The following COL12A1 variants were observed in gnomAD, a reference collection of about 807,000 sequenced individuals.
COL12A1 encodes collagen type XII alpha 1 chain, also known as collagen alpha-1(XII) chain.
A neutral mutation model predicts 349.7 loss-of-function variants in COL12A1; 114 were observed. That is an observed-to-expected ratio of 0.33 (90% CI 0.28 to 0.38). The LOEUF (loss-of-function observed/expected upper bound fraction) is 0.38. COL12A1 is among the 10% of genes least tolerant of loss of function. COL12A1 has a pLI of 1.00. For missense variants in COL12A1, 3,284 were observed against 3,756.9 expected, an observed-to-expected ratio of 0.87 and a Z score of 3.29; for synonymous variants, 1,369 against 1,329.0, an observed-to-expected ratio of 1.03 and a Z score of -0.66.
At chr6:75,100,751 T>A (rs1039375993) in intron 58 of COL12A1, among the ~76,000 whole-genome samples, 2 of 152,132 alleles carry the variant, frequency 1.3e-5, no homozygotes, top group Non-Finnish European at 2.9e-5. Flanking sequence ...GTTGATAGAT[T>A]TATGTTTAGT....
intron 5 of COL12A1, 100 bp downstream of exon 5, chr6:75,191,601 T>C: frequency 1.1e-5 from 7 of 655,684 alleles, no homozygotes; most frequent in Non-Finnish European, 1.7e-5. Flanking sequence ...TAAATTAATA[T>C]AGGAATAAGA....
intron 25 of COL12A1, among the ~76,000 whole-genome samples, chr6:75,145,044 T>C (rs769442632): frequency 2.0e-5 from 3 of 152,212 alleles, no homozygotes; most frequent in African/African-American, 4.8e-5. Flanking sequence ...TACATTCTGA[T>C]TGGCACCTAG....
Position 75,130,983 on chromosome 6 carries a change from TGCA to T in COL12A1, c.5938-5_5938-3del. 6.2e-7 allele frequency: 1 copy of T among 1,614,136 alleles called. No homozygotes were observed. The highest frequency in any genetic ancestry group is 8.5e-7 in the Non-Finnish European group (1 of 1,179,994). On this transcript the variant is annotated splice_region_variant and splice_polypyrimidine_tract_variant and intron_variant, in intron 35 of 65. Coordinates refer to ENST00000322507, the MANE Select transcript of COL12A1 (RefSeq NM_004370.6). The stretch of plus-strand genomic sequence containing the variant: ...GCGCGTGTTTCCTGGCACTACTATC[TGCA>T]GGAGAGGAAATGCCAAATTCTGCCT...
chr6:75,089,540 C>A (rs1247774921), intron 63 of COL12A1, among the ~76,000 whole-genome samples: 2 of 152,066 alleles, frequency 1.3e-5, no homozygotes, highest in African/African-American at 2.4e-5. Context: ...GCAGCCAAAC[C>A]AGTAGAATTA....
At chr6:75,087,487 A>C in intron 65 of COL12A1, 90 bp downstream of exon 65, 1 of 1,330,598 alleles carries the variant, frequency 7.5e-7, no homozygotes, top group African/African-American at 1.5e-5. Context: ...GACATCTTCA[A>C]ATCAGCCTTC....
chr6:75,175,665 G>T (rs182443117), intron 12 of COL12A1, among the ~76,000 whole-genome samples: 10 of 152,324 alleles, frequency 6.6e-5, no homozygotes, highest in Admixed American at 6.5e-4. Context: ...GTATTACAAT[G>T]CAGATTTTAA....
In COL12A1 at chr6:75,113,249, A is replaced by T. The variant is rs375456934; in HGVS notation, c.7905T>A (p.Phe2635Leu). ...ATAATGTCTTTACTTCTTCTGTGTC[A>T]AATGTAACAGTTTGCACCTCGCCTC... The part of the protein sequence containing the change: ...DTRGEVQTVT[F>L]DTEEVKTLFY... Residue 2635 changes from phenylalanine to leucine, a missense_variant, in exon 51 of 66, where the codon TTT becomes TTA. Transcript: ENST00000322507. 7 of 1,565,924 alleles carry T rather than the reference A, an allele frequency of 4.5e-6. No individual in the cohort carries two copies. Among genetic ancestry groups the T allele is most frequent in the Middle Eastern group, 1.7e-4 (1 of 5,956 alleles).
At chr6:75,102,520 G>A in intron 56 of COL12A1, 77 bp downstream of exon 56, 3 of 1,168,768 alleles carry the variant, frequency 2.6e-6, no homozygotes, top group African/African-American at 3.2e-5. Context: ...ATTTGATTTG[G>A]CAAAATGTAG....
rs576407538 is a variant in COL12A1 at position 75,181,324 on chromosome 6, C to A, written c.1892-113G>T. 35 of 1,014,766 alleles carry A rather than the reference C, an allele frequency of 3.4e-5. No individual in the cohort carries two copies. The African/African-American group carries it at 5.0e-4, about 15-fold the overall frequency. The allele number at this position is 1,014,766 out of a possible 1,614,324, so 62.9% of individuals were successfully genotyped here. The stretch of plus-strand genomic sequence containing the variant: ...TACATTAATTTGGGAGAATGGTGCT[C>A]ATTGAGACTACTGTACTGGGTATCT... On this transcript the variant is annotated intron_variant, in intron 10 of 65. Coordinates refer to ENST00000322507, the MANE Select transcript of COL12A1 (RefSeq NM_004370.6).
At chr6:75,192,545 C>T (rs552020249) in intron 3 of COL12A1, among the ~76,000 whole-genome samples, 190 bp from the exon 4 acceptor site, 162 of 151,986 alleles carry the variant, frequency 1.1e-3, no homozygotes, top group Non-Finnish European at 2.2e-3. Context: ...AATAAATGGA[C>T]TGGTATTGCT....
chr6:75,183,173 G>A lies in COL12A1; in HGVS notation c.1768C>T (p.Pro590Ser). 2 of 1,614,154 alleles carry A rather than the reference G, an allele frequency of 1.2e-6. No homozygotes were observed. Among genetic ancestry groups the A allele is most frequent in the East Asian group, 2.2e-5 (1 of 44,876 alleles). The part of the protein sequence containing the change: ...VRSELEAIAS[P>S]PAETHVFTVE... The stretch of plus-strand genomic sequence containing the variant: ...GTGAACACATGGGTCTCTGCAGGAG[G>A]AGAGGCAATAGCTTCCAATTCTGAG... Residue 590 changes from proline (P) to serine (S), a missense_variant, in exon 10 of 66, where the codon CCT becomes TCT. Pro to Ser is a moderately conservative substitution (Grantham distance 74). Coordinates refer to ENST00000322507, the MANE Select transcript of COL12A1 (RefSeq NM_004370.6).
At chr6:75,097,876 A>G (rs1356916105) in intron 58 of COL12A1, among the ~76,000 whole-genome samples, 1 of 152,142 alleles carries the variant, frequency 6.6e-6, no homozygotes, top group Non-Finnish European at 1.5e-5. Flanking sequence ...ATTCTCTTCC[A>G]TCATATCAGC....
intron 14 of COL12A1, among the ~76,000 whole-genome samples, chr6:75,163,316 G>A (rs1768115015): frequency 1.3e-5 from 2 of 152,162 alleles, no homozygotes; most frequent in Non-Finnish European, 2.9e-5. Flanking sequence ...TATACACCAT[G>A]GAATACTATG....
chr6:75,161,039 AGCTCAGG>A (rs1490936175), intron 14 of COL12A1, among the ~76,000 whole-genome samples: 1 of 152,170 alleles, frequency 6.6e-6, no homozygotes, highest in Admixed American at 6.5e-5. Flanking sequence ...CTGTCCAAGT[AGCTCAGG>A]GCGAAAGGGA....
At chr6:75,201,072 A>T (rs1226267960) in intron 2 of COL12A1, among the ~76,000 whole-genome samples, 6 of 152,228 alleles carry the variant, frequency 3.9e-5, no homozygotes, top group Non-Finnish European at 7.3e-5. Flanking sequence ...ACCAGCCAAT[A>T]TCTAATTCAG....
chr6:75,136,848 G>A (rs1330144511), intron 31 of COL12A1, among the ~76,000 whole-genome samples: 3 of 152,130 alleles, frequency 2.0e-5, no homozygotes, highest in African/African-American at 7.2e-5. Context: ...ATTAAATAGG[G>A]AAAGACTAGG....
chr6:75,099,449 TA>T (rs1768200630), intron 58 of COL12A1, among the ~76,000 whole-genome samples: 1 of 152,242 alleles, frequency 6.6e-6, no homozygotes, highest in South Asian at 2.1e-4. Flanking sequence ...TTTCATTTTT[TA>T]TCGTAAATAT....
rs765077918 is a variant in COL12A1 at position 75,151,919 on chromosome 6, A to C, written c.3948T>G (p.Val1316=). The part of the protein sequence containing the change: ...LITDGKSQDD[V]EAPSKKLKDE... ...CCTTGAGTTTCTTTGAAGGTGCTTCAACATCGTCTTGTGATTTTCCATCAG... is the reference window on the plus strand; with the variant it reads ...CCTTGAGTTTCTTTGAAGGTGCTTCCACATCGTCTTGTGATTTTCCATCAG... The change falls in exon 20 of 66, where the codon GTT becomes GTG. Residue 1316 remains valine, a synonymous_variant. Coordinates refer to ENST00000322507, the MANE Select transcript of COL12A1 (RefSeq NM_004370.6). The C allele has an allele frequency of 2.5e-6, 4 of 1,613,890 alleles. No homozygotes were observed. In the South Asian group the frequency reaches 4.4e-5, roughly 18 times the overall value.
intron 10 of COL12A1, among the ~76,000 whole-genome samples, chr6:75,182,672 T>C (rs1769376308): frequency 6.6e-6 from 1 of 152,214 alleles, no homozygotes; most frequent in African/African-American, 2.4e-5. Flanking sequence ...GGTGCAAGAC[T>C]ATATTCTCTT....
Sources: allele counts gnomAD v4.1 joint callset (sites outside exome capture counted in the v4.1 genomes callset), GRCh38; gene constraint gnomAD v4.1.1; transcripts MANE v1.5; gene names NCBI Gene and HGNC (gene_info 2026-07-23, HGNC 2026-07-21).